The following IQCM variants were observed in gnomAD, a reference collection of about 807,000 sequenced individuals.
IQCM encodes IQ motif containing M, also known as IQ domain-containing protein M.
Under a neutral mutation model 57.6 loss-of-function variants are expected in IQCM, and 45 were observed. The ratio of observed to expected loss-of-function variants is 0.78; its 90% CI spans 0.62 to 1.00. The LOEUF is 1.00. Ranked by LOEUF, IQCM falls within the 50% of genes least tolerant of loss-of-function variation. The pLI is 0.00. For missense variants in IQCM, 468 were observed against 511.6 expected, an observed-to-expected ratio of 0.91 and a Z score of 0.82; for synonymous variants, 148 against 158.9, an observed-to-expected ratio of 0.93 and a Z score of 0.51.
At chr4:149,397,412 G>C (rs1448784831) in intron 13 of IQCM, among the ~76,000 whole-genome samples, 2 of 151,984 alleles carry the variant, frequency 1.3e-5, no homozygotes, top group Non-Finnish European at 2.9e-5. Context: ...GAGATCTCAT[G>C]GGAGGTGATT....
chr4:149,638,658 TG>T (rs1212905275), intron 7 of IQCM, among the ~76,000 whole-genome samples: 1 of 152,182 alleles, frequency 6.6e-6, no homozygotes, highest in East Asian at 1.9e-4. Flanking sequence ...ATATACGTAC[TG>T]TAGGATTTCA....
intron 5 of IQCM, among the ~76,000 whole-genome samples, chr4:149,728,616 G>T (rs1051117238): frequency 1.1e-4 from 16 of 152,250 alleles, no homozygotes; most frequent in African/African-American, 3.8e-4. Context: ...ACACTTTTAT[G>T]GGAATCACTT....
At chr4:149,682,041 CTT>C (rs1231362667) in intron 7 of IQCM, 75 bp downstream of exon 7, 4 of 512,040 alleles carry the variant, frequency 7.8e-6, no homozygotes, top group Non-Finnish European at 1.2e-5. Flanking sequence ...AATACTAGCT[CTT>C]TGTTTTTGCA....
intron 5 of IQCM, among the ~76,000 whole-genome samples, chr4:149,717,027 C>T (rs900613158): frequency 2.6e-5 from 4 of 152,204 alleles, no homozygotes; most frequent in Non-Finnish European, 5.9e-5. Flanking sequence ...CCCATCCAGA[C>T]CTCACTCTAT....
chr4:149,639,151 G>C (rs1365553195), intron 7 of IQCM, among the ~76,000 whole-genome samples: 1 of 152,188 alleles, frequency 6.6e-6, no homozygotes, highest in Non-Finnish European at 1.5e-5. Context: ...ACAGGGATTG[G>C]GGCAGGGGCT....
intron 12 of IQCM, among the ~76,000 whole-genome samples, chr4:149,520,219 A>ATT (rs538952958): frequency 4.0e-3 from 505 of 126,690 alleles, no homozygotes; most frequent in Middle Eastern, 0.017. Flanking sequence ...GGTGGGCACC[A>ATT]TTTTTTTTTT....
chr4:149,537,210 A>G (rs2149867716), intron 12 of IQCM, among the ~76,000 whole-genome samples: 1 of 152,036 alleles, frequency 6.6e-6, no homozygotes, highest in East Asian at 1.9e-4. Context: ...ATTATACATT[A>G]TATTTAAAGA....
chr4:149,505,698 C>A (rs1012981451), intron 12 of IQCM, among the ~76,000 whole-genome samples: 3 of 152,162 alleles, frequency 2.0e-5, no homozygotes, highest in African/African-American at 7.2e-5. Flanking sequence ...AGAGATCATT[C>A]TAAAATGCTG....
At chr4:149,784,310 G>A (rs1771880412) in intron 2 of IQCM, among the ~76,000 whole-genome samples, 1 of 152,094 alleles carries the variant, frequency 6.6e-6, no homozygotes, top group Admixed American at 6.5e-5. Flanking sequence ...ACTGGCTCAG[G>A]GATTTCAAAC....
intron 12 of IQCM, among the ~76,000 whole-genome samples, chr4:149,485,416 T>C (rs13142199): frequency 1.3e-5 from 2 of 151,844 alleles, no homozygotes; most frequent in African/African-American, 4.8e-5. Flanking sequence ...TTATCTTTTG[T>C]CTCCTCTGAC....
At chr4:149,657,741 T>C (rs1326694482) in intron 7 of IQCM, among the ~76,000 whole-genome samples, 5 of 152,110 alleles carry the variant, frequency 3.3e-5, no homozygotes, top group Non-Finnish European at 5.9e-5. Context: ...TTTTGATTTA[T>C]GTTTTCTTGA....
intron 7 of IQCM, among the ~76,000 whole-genome samples, chr4:149,670,819 G>A (rs1383091098): frequency 6.6e-6 from 1 of 152,138 alleles, no homozygotes; most frequent in Non-Finnish European, 1.5e-5. Flanking sequence ...GCATCTCAGG[G>A]ATGAAGCCAA....
At chr4:149,512,893 G>T (rs940111778) in intron 12 of IQCM, among the ~76,000 whole-genome samples, 4 of 152,088 alleles carry the variant, frequency 2.6e-5, no homozygotes, top group East Asian at 1.9e-4. Flanking sequence ...AACAAAGAGG[G>T]ATTTAATCTA....
At chr4:149,789,997 G>A (rs760137537) in intron 2 of IQCM, 1 of 352,374 alleles carries the variant, frequency 2.8e-6, no homozygotes, top group Non-Finnish European at 5.6e-6. Flanking sequence ...ACTCAGAAAC[G>A]AGTTTCCAAG....
chr4:149,508,557 C>T (rs1187579842), intron 12 of IQCM, among the ~76,000 whole-genome samples: 1 of 152,164 alleles, frequency 6.6e-6, no homozygotes, highest in Non-Finnish European at 1.5e-5. Flanking sequence ...CTGTTTTGGC[C>T]AATTTCTCCC....
At chr4:149,639,494 T>C (rs1009402323) in intron 7 of IQCM, among the ~76,000 whole-genome samples, 1 of 151,824 alleles carries the variant, frequency 6.6e-6, no homozygotes, top group African/African-American at 2.4e-5. Flanking sequence ...AATATTCTTA[T>C]CTTATCTTCT....
chr4:149,729,239 C>G (rs1471813812), intron 5 of IQCM, among the ~76,000 whole-genome samples: 2 of 152,134 alleles, frequency 1.3e-5, no homozygotes, highest in Non-Finnish European at 2.9e-5. Context: ...TTTACTTGCT[C>G]CTTGGACACA....
chr4:149,601,570 A>G (rs1329214525), intron 8 of IQCM, among the ~76,000 whole-genome samples: 1 of 152,134 alleles, frequency 6.6e-6, no homozygotes, highest in East Asian at 1.9e-4. Context: ...CACCACCTCC[A>G]CAACAACCAA....
rs151262267 is a variant in IQCM at position 149,545,983 on chromosome 4, G to A, written c.1228+2472C>T. ...TTCCTCCCCACTCCCCCGACCCCAC[G>A]ACAGGCCCCAGTGTGTGATGTTCCC... On this transcript the variant is annotated intron_variant, in intron 12 of 13. Coordinates refer to ENST00000636793, the MANE Select transcript of IQCM (RefSeq NM_001363507.2). Among the ~76,000 whole-genome samples, 1,439 of 151,848 alleles carry A rather than the reference G, an allele frequency of 9.5e-3. 16 individuals are homozygous for A. The highest frequency in any genetic ancestry group is 0.033 in the African/African-American group (1,354 of 41,394).
Sources: gnomAD v4.1 joint callset for allele counts (sites outside exome capture counted in the v4.1 genomes callset) on GRCh38, gnomAD v4.1.1 for gene constraint, MANE v1.5 for transcripts, NCBI Gene and HGNC (gene_info 2026-07-23, HGNC 2026-07-21) for gene names.